Variants in NEGR1 observed in about 807,000 individuals in gnomAD.
The protein encoded by NEGR1 is neuronal growth regulator 1, also known as IgLON family member 4.
NEGR1 carries 10 observed loss-of-function variants against 40.9 expected under a neutral mutation model. The ratio of observed to expected loss-of-function variants is 0.24; its 90% CI spans 0.15 to 0.42. NEGR1 has a LOEUF of 0.42. Among genes scored for constraint, NEGR1 ranks in the 10% least tolerant of loss-of-function variants. NEGR1 has a pLI of 1.00. For missense variants in NEGR1, 352 were observed against 438.9 expected (o/e 0.80, Z 1.77); for synonymous variants, 185 against 166.8 (o/e 1.11, Z -0.84).
At chr1:72,067,904 C>T (rs956139766) in intron 1 of NEGR1, among the ~76,000 whole-genome samples, 3 of 152,008 alleles carry the variant, frequency 2.0e-5, no homozygotes, top group Non-Finnish European at 4.4e-5. Context: ...CTGGAATGTA[C>T]CAAAATATTA....
intron 1 of NEGR1, among the ~76,000 whole-genome samples, chr1:72,238,215 T>G (rs1187698867): frequency 1.3e-5 from 2 of 151,954 alleles, no homozygotes; most frequent in African/African-American, 4.8e-5. Flanking sequence ...CAATAATGAT[T>G]CCCTTGGCAC....
At chr1:71,681,900 C>T (rs1458876426) in intron 4 of NEGR1, among the ~76,000 whole-genome samples, 1 of 152,116 alleles carries the variant, frequency 6.6e-6, no homozygotes, top group Non-Finnish European at 1.5e-5. Context: ...GATCTCAGCT[C>T]ACTGCAACTT....
chr1:72,007,756 A>G (rs1646620606), intron 1 of NEGR1, among the ~76,000 whole-genome samples: 2 of 152,318 alleles, frequency 1.3e-5, no homozygotes, highest in East Asian at 1.9e-4. Context: ...ATTTTTCACA[A>G]TTTACTCTAA....
intron 4 of NEGR1, among the ~76,000 whole-genome samples, chr1:71,644,325 C>A (rs1222403590): frequency 6.6e-6 from 1 of 151,904 alleles, no homozygotes; most frequent in Non-Finnish European, 1.5e-5. Flanking sequence ...ATCACATTCT[C>A]ACTGAGTCCT....
At chr1:71,685,884 G>A (rs1653018693) in intron 4 of NEGR1, among the ~76,000 whole-genome samples, 1 of 152,094 alleles carries the variant, frequency 6.6e-6, no homozygotes, top group Non-Finnish European at 1.5e-5. Flanking sequence ...TCTTGTTTAT[G>A]CCAATTTTTT....
At chr1:71,888,250 C>T (rs570508811) in intron 2 of NEGR1, among the ~76,000 whole-genome samples, 103 of 152,258 alleles carry the variant, frequency 6.8e-4, no homozygotes, top group South Asian at 6.0e-3. Context: ...CAGTCTACAG[C>T]TCCCAGCGTG....
intron 1 of NEGR1, among the ~76,000 whole-genome samples, chr1:72,027,403 G>A (rs1408988716): frequency 6.6e-6 from 1 of 151,730 alleles, no homozygotes; most frequent in African/African-American, 2.4e-5. Context: ...GCCTTCACTG[G>A]TTTCATATGA....
chr1:71,886,780 T>C (rs1218706147), intron 2 of NEGR1, among the ~76,000 whole-genome samples: 1 of 152,190 alleles, frequency 6.6e-6, no homozygotes, highest in Non-Finnish European at 1.5e-5. Flanking sequence ...ACTGGTTTTC[T>C]GCAATAGGGA....
intron 1 of NEGR1, among the ~76,000 whole-genome samples, chr1:72,053,854 A>AC (rs1647085525): frequency 7.4e-6 from 1 of 135,186 alleles, no homozygotes; most frequent in African/African-American, 2.8e-5. Flanking sequence ...AAAAACGAAC[A>AC]CTTTTTTGTA....
intron 3 of NEGR1, among the ~76,000 whole-genome samples, chr1:71,770,628 G>C (rs546956568): frequency 1.8e-4 from 27 of 152,214 alleles, no homozygotes; most frequent in African/African-American, 6.0e-4. Flanking sequence ...CAAAATGATG[G>C]GTTCATGTCA....
intron 1 of NEGR1, among the ~76,000 whole-genome samples, chr1:72,121,259 T>C (rs1442471540): frequency 6.6e-6 from 1 of 152,050 alleles, no homozygotes; most frequent in Admixed American, 6.6e-5. Flanking sequence ...AATGTTACTT[T>C]TTAATATCAC....
intron 6 of NEGR1, among the ~76,000 whole-genome samples, chr1:71,505,406 C>T (rs775310888): frequency 2.6e-5 from 4 of 152,124 alleles, no homozygotes; most frequent in Admixed American, 6.5e-5. Flanking sequence ...CTCAGCCTCC[C>T]GAGTAGCTGG....
intron 4 of NEGR1, among the ~76,000 whole-genome samples, chr1:71,634,798 T>A (rs1183944821): frequency 6.6e-6 from 1 of 152,124 alleles, no homozygotes; most frequent in Non-Finnish European, 1.5e-5. Context: ...TGTGGCTTTA[T>A]TCATAGAAGG....
intron 2 of NEGR1, among the ~76,000 whole-genome samples, chr1:71,928,213 C>CACACATATGTGTATAT (rs1645806342): frequency 8.7e-5 from 10 of 115,042 alleles, no homozygotes; most frequent in Non-Finnish European, 1.4e-4. Context: ...TGTATATATA[C>CACACATATGTGTATAT]ACACATATGT....
At chr1:71,915,308 G>T (rs540646093) in intron 2 of NEGR1, among the ~76,000 whole-genome samples, 1 of 151,958 alleles carries the variant, frequency 6.6e-6, no homozygotes, top group African/African-American at 2.4e-5. Flanking sequence ...CATCACTAAA[G>T]AATAGAAAAA....
chr1:72,065,027 A>G (rs764068454), intron 1 of NEGR1, among the ~76,000 whole-genome samples: 8 of 152,068 alleles, frequency 5.3e-5, no homozygotes, highest in Non-Finnish European at 1.0e-4. Context: ...AGTAAAACAA[A>G]TTTCAAGTAT....
intron 1 of NEGR1, among the ~76,000 whole-genome samples, chr1:71,956,224 T>C (rs955436340): frequency 1.3e-5 from 2 of 152,176 alleles, no homozygotes; most frequent in African/African-American, 2.4e-5. Flanking sequence ...TGCCAATATA[T>C]TCACAGAGCC....
intron 2 of NEGR1, among the ~76,000 whole-genome samples, chr1:71,789,044 G>T (rs1657016449): frequency 6.6e-6 from 1 of 152,030 alleles, no homozygotes; most frequent in African/African-American, 2.4e-5. Context: ...TAGAAGGATG[G>T]CAAAGGCGAT....
chr1:71,748,570 G>C (rs1188595544), intron 3 of NEGR1, among the ~76,000 whole-genome samples: 2 of 152,078 alleles, frequency 1.3e-5, no homozygotes, highest in Admixed American at 1.3e-4. Flanking sequence ...CATATAAAAA[G>C]TTCAGAGGTT....
Sources: allele counts gnomAD v4.1 joint callset (sites outside exome capture counted in the v4.1 genomes callset), GRCh38; gene constraint gnomAD v4.1.1; transcripts MANE v1.5; gene names NCBI Gene and HGNC (gene_info 2026-07-23, HGNC 2026-07-21).